DNMT1: variants seen among roughly 807,000 people sequenced by gnomAD.
DNMT1 encodes the protein DNA (cytosine-5)-methyltransferase 1.
DNMT1 carries 24 observed loss-of-function variants against 205.3 expected under a neutral mutation model. The observed-to-expected ratio is 0.12, with a 90% CI of 0.08 to 0.16. DNMT1 has a LOEUF of 0.16. DNMT1 is among the 10% of genes least tolerant of loss of function. DNMT1 has a pLI of 1.00. For synonymous variants in DNMT1, 817 were observed against 839.8 expected, an observed-to-expected ratio of 0.97 and a Z score of 0.47; for missense variants, 1,293 against 2,177.7, an observed-to-expected ratio of 0.59 and a Z score of 8.09.
intron 1 of DNMT1, among the ~76,000 whole-genome samples, chr19:10,185,934 C>A (rs1311149390): frequency 6.6e-6 from 1 of 151,816 alleles, no homozygotes; most frequent in African/African-American, 2.4e-5. Context: ...ACCCTTGTAG[C>A]AACTGGGGTC....
At chr19:10,194,601 C>T (rs1599416421) in intron 1 of DNMT1, 2 of 539,186 alleles carry the variant, frequency 3.7e-6, no homozygotes, top group Admixed American at 4.3e-5. Flanking sequence ...CACCAGGGAG[C>T]TACGGGGGAA....
At chr19:10,193,411 G>A (rs2039339205) in intron 1 of DNMT1, among the ~76,000 whole-genome samples, 1 of 151,400 alleles carries the variant, frequency 6.6e-6, no homozygotes, top group African/African-American at 2.4e-5. Flanking sequence ...CCAGGCTGGA[G>A]TGCAATAGCG....
chr19:10,181,031 G>A, intron 2 of DNMT1, 146 bp from the exon 3 acceptor site: 2 of 724,714 alleles, frequency 2.8e-6, no homozygotes, highest in Non-Finnish European at 4.9e-6. Flanking sequence ...AAACAGTCAT[G>A]AAATGTGTTC....
rs61758429 is a variant in DNMT1, at chr19:10,173,171, A to C, written c.687T>G (p.Val229=). ...KRRRVTSRER[V]ARPLPAEEPE... ...GTTCTTCTGCAGGAAGCGGTCTAGC[A>C]ACTCTGTCAAGCAAAATAACACAGA... is the stretch of plus-strand genomic sequence containing the variant. The change falls in exon 9 of 41, where the codon GTT becomes GTG. Residue 229 remains valine, a synonymous_variant. Transcript: ENST00000359526. The C allele has an allele frequency of 7.3e-5, 118 of 1,614,066 alleles. No individual in the cohort carries two copies. The highest frequency in any genetic ancestry group is 9.7e-5 in the Non-Finnish European group (114 of 1,180,050).
chr19:10,141,923 A>C (rs936235086), intron 30 of DNMT1, 105 bp downstream of exon 30: 1 of 1,401,486 alleles, frequency 7.1e-7, no homozygotes, highest in African/African-American at 1.4e-5. Flanking sequence ...CTTCTTACAA[A>C]AGCTGAAACC....
At chr19:10,144,411 GAAA>G (rs1046664697) in intron 28 of DNMT1, 36 of 176,106 alleles carry the variant, frequency 2.0e-4, no homozygotes, top group East Asian at 2.9e-4. Flanking sequence ...CCATCTCACA[GAAA>G]AAAAAAAAAA....
At chr19:10,186,768 G>A (rs1271622441) in intron 1 of DNMT1, among the ~76,000 whole-genome samples, 1 of 149,714 alleles carries the variant, frequency 6.7e-6, no homozygotes, top group Non-Finnish European at 1.5e-5. Flanking sequence ...AACCCGGGAG[G>A]TGGAGGCTGC....
intron 22 of DNMT1, among the ~76,000 whole-genome samples, chr19:10,153,825 T>C (rs2038399704): frequency 6.6e-6 from 1 of 151,944 alleles, no homozygotes; most frequent in African/African-American, 2.4e-5. Context: ...AGTCAGGTAA[T>C]AGGTATCAAA....
intron 1 of DNMT1, 58 bp downstream of exon 1, chr19:10,194,762 C>T: frequency 2.6e-6 from 4 of 1,535,576 alleles, no homozygotes; most frequent in Non-Finnish European, 3.5e-6. Flanking sequence ...GGGAAGCGAC[C>T]CCCCACCCAG....
intron 1 of DNMT1, among the ~76,000 whole-genome samples, chr19:10,183,017 A>ATATATATGTGTATATATACG (rs1176449812): frequency 2.7e-5 from 4 of 150,346 alleles, no homozygotes; most frequent in Non-Finnish European, 5.9e-5. Context: ...GTATATATAC[A>ATATATATGTGTATATATACG]TATATATGTG....
rs2089506543 is a variant in DNMT1, at chr19:10,137,351, G to A, written c.4294-71C>T. On this transcript the variant is annotated intron_variant, in intron 36 of 40. Transcript: ENST00000359526. This position sits in a 1 kb window ranked among gnomAD's most constrained non-coding sequence, Gnocchi z 6.4. ...TCCGAGCATCCATGGTGGGCTGGGA[G>A]CTGGGAACACCATGGTGACCAGGAA... The A allele has an allele frequency of 6.6e-7, 1 of 1,526,242 alleles. No individual in the cohort carries two copies. The highest frequency in any genetic ancestry group is 8.8e-7 in the Non-Finnish European group (1 of 1,131,598). The allele number at this position is 1,526,242 out of a possible 1,614,324, so 94.5% of individuals were successfully genotyped here. A position where few individuals can be genotyped will look rare whatever the true frequency, so the allele number is the denominator to read the frequency against.
chr19:10,139,148 C>T, intron 34 of DNMT1, among the ~76,000 whole-genome samples: 1 of 152,222 alleles, frequency 6.6e-6, no homozygotes, highest in East Asian at 1.9e-4. Flanking sequence ...GGATGCTTTT[C>T]AGATAAGGCC....
At chr19:10,160,086 A>G (rs763266615) in intron 14 of DNMT1, 23 bp from the exon 15 acceptor site, 2 of 1,612,246 alleles carry the variant, frequency 1.2e-6, no homozygotes, top group Admixed American at 1.7e-5. Flanking sequence ...AAAAAATCAC[A>G]AGATCGTTTG....
intron 1 of DNMT1, among the ~76,000 whole-genome samples, chr19:10,185,638 G>T (rs1189546023): frequency 6.6e-6 from 1 of 151,838 alleles, no homozygotes; most frequent in Non-Finnish European, 1.5e-5. Flanking sequence ...ACCAGCCTGG[G>T]CTACACTGAG....
Position 10,140,877 on chromosome 19 carries a change from G to A in DNMT1, c.3427C>T (p.Pro1143Ser). Reference protein sequence around the residue: ...KGKPKSQACEPSEPEIEIKLP... With the variant: ...KGKPKSQACESSEPEIEIKLP... ...TTGATCTCTATCTCTGGCTCGCTCG[G>A]CTCACAGGCTTGGGACTTGGGCTTG... Residue 1143 changes from proline (P) to serine (S), a missense_variant, in exon 32 of 41, where the codon CCG (proline) becomes TCG (serine). Physicochemically the swap from Pro to Ser is moderately conservative, Grantham distance 74 (BLOSUM62 -1). Transcript: ENST00000359526. The surrounding 1 kb of genome is among the most constrained non-coding windows in gnomAD (Gnocchi z 8.4). The A allele has an allele frequency of 6.2e-7, 1 of 1,614,144 alleles. No individual in the cohort carries two copies. Among genetic ancestry groups the A allele is most frequent in the Non-Finnish European group, 8.5e-7 (1 of 1,180,034 alleles).
chr19:10,161,654 A>G (rs900754804), intron 13 of DNMT1, among the ~76,000 whole-genome samples: 2 of 152,166 alleles, frequency 1.3e-5, no homozygotes, highest in Non-Finnish European at 2.9e-5. Context: ...AAAAATAAAT[A>G]CTAAAATGTA....
At position 10,138,294 on chromosome 19, in the gene DNMT1, G is replaced by A. The variant is rs977021400; in HGVS notation, c.4115+145C>T. On this transcript the variant is annotated intron_variant, in intron 35 of 40. Transcript: ENST00000359526. The surrounding 1 kb of genome is among the most constrained non-coding windows in gnomAD (Gnocchi z 4.1). ...TCAGAACTGGAGACCACAGGTGGCA[G>A]AGTGCCATGTGGCAGAGCACCGTGT... 2 of 1,296,952 alleles carry A rather than the reference G, an allele frequency of 1.5e-6. No homozygotes were observed. Among genetic ancestry groups the A allele is most frequent in the African/African-American group, 2.9e-5 (2 of 68,984 alleles). 80.3% of individuals were successfully genotyped at this position (1,296,952 alleles called of 1,614,324 possible).
intron 1 of DNMT1, among the ~76,000 whole-genome samples, chr19:10,193,512 C>G (rs538932208): frequency 1.3e-5 from 2 of 151,940 alleles, no homozygotes; most frequent in Non-Finnish European, 2.9e-5. Flanking sequence ...CACAGGCGCA[C>G]GGCACTACTC....
At position 10,166,706 on chromosome 19, in the gene DNMT1, C is replaced by A. The variant is rs376712277; in HGVS notation, c.804-21G>T. ...GTGTTCTGTCACAGAAGACAACACA[C>A]ACACAGGCTGGTCAGCTCGGGGGGG... On this transcript the variant is annotated intron_variant, in intron 10 of 40. Coordinates refer to ENST00000359526, the MANE Select transcript of DNMT1 (RefSeq NM_001130823.3). 6.8e-6 allele frequency: 11 copies of A among 1,613,846 alleles called. No individual in the cohort carries two copies. In the East Asian group the frequency reaches 2.0e-4, roughly 29 times the overall value.
Sources: allele counts gnomAD v4.1 joint callset (sites outside exome capture counted in the v4.1 genomes callset), GRCh38; gene constraint gnomAD v4.1.1; non-coding constraint Gnocchi (gnomAD v3.1); transcripts MANE v1.5; gene names NCBI Gene and HGNC (gene_info 2026-07-23, HGNC 2026-07-21).